Variants in GPC6 observed in about 807,000 individuals in gnomAD.
GPC6 encodes the protein glypican 6.
In GPC6, 14 loss-of-function variants were observed where a neutral mutation model predicts 55.2. That is an observed-to-expected ratio of 0.25 (90% CI 0.17 to 0.40). The LOEUF (loss-of-function observed/expected upper bound fraction) is 0.40. Ranked by LOEUF, GPC6 falls within the 10% of genes least tolerant of loss-of-function variation. The pLI, the probability that GPC6 is intolerant of heterozygous loss-of-function variation, is 1.00. For synonymous variants in GPC6, 278 were observed against 259.6 expected, an observed-to-expected ratio of 1.07 and a Z score of -0.68; for missense variants, 641 against 708.5, an observed-to-expected ratio of 0.90 and a Z score of 1.08.
chr13:94,160,025 C>T (rs1888098069), intron 4 of GPC6, among the ~76,000 whole-genome samples: 1 of 152,098 alleles, frequency 6.6e-6, no homozygotes, highest in Non-Finnish European at 1.5e-5. Flanking sequence ...GTGCAGTAAT[C>T]CCCCTTTATT....
Position 94,270,964 on chromosome 13 carries a change from A to ATTTTTTTT in GPC6, c.878-15351_878-15344dup, listed in dbSNP as rs764819082. On this transcript the variant is annotated intron_variant, in intron 4 of 8. Transcript: ENST00000377047. ...AAAGGACCAGAGACAGAGAAGTATA[A>ATTTTTTTT]TTTTTTTTTTTTTTTTTTTTTTTTT... 8.1e-5 allele frequency among the ~76,000 whole-genome samples: 4 copies of ATTTTTTTT among 49,672 alleles called. 1 individual carries two copies. Among genetic ancestry groups the ATTTTTTTT allele is most frequent in the Non-Finnish European group, 1.5e-4 (4 of 27,136 alleles). 32.6% of individuals were successfully genotyped at this position (49,672 alleles called of 152,430 possible).
chr13:94,282,060 G>A (rs571014647), intron 4 of GPC6, among the ~76,000 whole-genome samples: 90 of 152,254 alleles, frequency 5.9e-4, no homozygotes, highest in African/African-American at 2.1e-3. Context: ...TTGTCATTTG[G>A]CTGTTCCAGT....
At chr13:93,666,167 C>T (rs933638530) in intron 2 of GPC6, among the ~76,000 whole-genome samples, 1 of 152,124 alleles carries the variant, frequency 6.6e-6, no homozygotes, top group African/African-American at 2.4e-5. Context: ...CTGGAGCAAA[C>T]ATTTTCCTGA....
At chr13:93,836,560 T>C (rs1379659859) in intron 3 of GPC6, among the ~76,000 whole-genome samples, 1 of 152,212 alleles carries the variant, frequency 6.6e-6, no homozygotes, top group Non-Finnish European at 1.5e-5. Context: ...AATTTTTCTA[T>C]GTAGATTACT....
chr13:93,567,988 G>C (rs895122812), intron 2 of GPC6, among the ~76,000 whole-genome samples: 2 of 152,224 alleles, frequency 1.3e-5, no homozygotes, highest in Middle Eastern at 6.8e-3. Flanking sequence ...TGTTCTAAGA[G>C]AAACCAATAA....
intron 1 of GPC6, among the ~76,000 whole-genome samples, chr13:93,514,406 A>T (rs1287654179): frequency 3.9e-5 from 6 of 152,198 alleles, no homozygotes; most frequent in Non-Finnish European, 8.8e-5. Flanking sequence ...CCACTCAATA[A>T]CATTAAGGAA....
chr13:94,072,966 T>G (rs867281861), intron 4 of GPC6, among the ~76,000 whole-genome samples: 2 of 152,028 alleles, frequency 1.3e-5, no homozygotes, highest in Non-Finnish European at 2.9e-5. Context: ...AGAAAGAACA[T>G]GTGCAAGAGT....
At chr13:94,270,593 C>T (rs558066142) in intron 4 of GPC6, among the ~76,000 whole-genome samples, 83 of 151,514 alleles carry the variant, frequency 5.5e-4, no homozygotes, top group Admixed American at 1.4e-3. Flanking sequence ...TTTTATTCTC[C>T]TCCTTGTCTT....
intron 1 of GPC6, among the ~76,000 whole-genome samples, chr13:93,386,123 C>T (rs1875392723): frequency 1.4e-5 from 2 of 146,496 alleles, no homozygotes; most frequent in South Asian, 4.3e-4. Context: ...AAAAAGCCCA[C>T]CTATCCACTA....
intron 1 of GPC6, among the ~76,000 whole-genome samples, chr13:93,306,255 G>A (rs1878852506): frequency 6.6e-6 from 1 of 152,168 alleles, no homozygotes; most frequent in East Asian, 1.9e-4. Context: ...AAATAAGCAT[G>A]TGATTAAAGC....
chr13:93,453,299 T>C lies in GPC6; in HGVS notation c.161-91964T>C, dbSNP rs1808233567. ...CCCCTGTGTTTAATGTGGCTTTCCA[T>C]TCCTACCTTTCTTTTGACTAGCCTT... On this transcript the variant is annotated intron_variant, in intron 1 of 8. Transcript: ENST00000377047. Among the ~76,000 whole-genome samples the C allele has an allele frequency of 4.6e-5, 7 of 152,238 alleles. No homozygotes were observed. The South Asian group carries it at 1.5e-3, about 32-fold the overall frequency.
At chr13:93,636,556 G>A (rs1879707165) in intron 2 of GPC6, among the ~76,000 whole-genome samples, 1 of 152,134 alleles carries the variant, frequency 6.6e-6, no homozygotes, top group Non-Finnish European at 1.5e-5. Flanking sequence ...AAAGAAAAGT[G>A]AGATCAGAAA....
chr13:93,700,177 A>T (rs1002347204), intron 2 of GPC6, among the ~76,000 whole-genome samples: 2 of 152,136 alleles, frequency 1.3e-5, no homozygotes, highest in Non-Finnish European at 2.9e-5. Context: ...TCTCTGTAAA[A>T]TGAAACCACT....
chr13:93,628,616 G>A (rs1315089814), intron 2 of GPC6, among the ~76,000 whole-genome samples: 1 of 152,168 alleles, frequency 6.6e-6, no homozygotes, highest in Non-Finnish European at 1.5e-5. Flanking sequence ...TGACACTGGA[G>A]TTTATGTAAA....
rs1300364886 is a variant in GPC6 at position 94,364,771 on chromosome 13, T to G, written c.1153-17643T>G. On this transcript the variant is annotated intron_variant, in intron 6 of 8. Coordinates refer to ENST00000377047, the MANE Select transcript of GPC6 (RefSeq NM_005708.5). ...GTGCCTGCCTGTGTGCAGCTGTGTG[T>G]GGGGGTGGGGGTGTTTAGTTGGAGT... Among the ~76,000 whole-genome samples the G allele has an allele frequency of 2.6e-5, 4 of 152,180 alleles. No homozygotes were observed. In the East Asian group the frequency reaches 7.7e-4, roughly 29 times the overall value.
intron 2 of GPC6, among the ~76,000 whole-genome samples, chr13:93,723,679 T>C (rs182588447): frequency 6.6e-6 from 1 of 152,144 alleles, no homozygotes; most frequent in East Asian, 1.9e-4. Flanking sequence ...CTGCTACCTG[T>C]AGTCAACCAA....
chr13:93,764,385 G>C (rs919654330), intron 2 of GPC6, among the ~76,000 whole-genome samples: 3 of 151,946 alleles, frequency 2.0e-5, no homozygotes, highest in African/African-American at 7.3e-5. Flanking sequence ...TTCTTATGTG[G>C]ATTGGTTTTT....
intron 1 of GPC6, among the ~76,000 whole-genome samples, chr13:93,280,875 CG>C (rs1877927064): frequency 6.6e-6 from 1 of 152,114 alleles, no homozygotes; most frequent in Non-Finnish European, 1.5e-5. Flanking sequence ...CTTGCATGCC[CG>C]GTTCACAACA....
At chr13:93,347,004 C>G (rs1880455012) in intron 1 of GPC6, among the ~76,000 whole-genome samples, 1 of 152,042 alleles carries the variant, frequency 6.6e-6, no homozygotes, top group Non-Finnish European at 1.5e-5. Flanking sequence ...ATTTCTTATC[C>G]TACATGTTCC....
Sources: gnomAD v4.1 joint callset for allele counts (sites outside exome capture counted in the v4.1 genomes callset) on GRCh38, gnomAD v4.1.1 for gene constraint, MANE v1.5 for transcripts, NCBI Gene and HGNC (gene_info 2026-07-23, HGNC 2026-07-21) for gene names.